STRN: variants seen among roughly 807,000 people sequenced by gnomAD.
The protein encoded by STRN is striatin.
A neutral mutation model predicts 96.3 loss-of-function variants in STRN; 53 were observed. The observed-to-expected ratio is 0.55, with a 90% confidence interval of 0.44 to 0.69. The LOEUF (loss-of-function observed/expected upper bound fraction) is 0.69, where lower values mean the gene tolerates loss of function less well. STRN is among the 30% of genes least tolerant of loss of function. STRN has a pLI of 0.00. For missense variants in STRN, 987 were observed against 963.9 expected, an observed-to-expected ratio of 1.02 and a Z score of -0.32; for synonymous variants, 428 against 355.9, an observed-to-expected ratio of 1.20 and a Z score of -2.28.
intron 1 of STRN, among the ~76,000 whole-genome samples, chr2:36,937,912 T>C (rs1186370940): frequency 6.6e-6 from 1 of 152,016 alleles, no homozygotes; most frequent in Non-Finnish European, 1.5e-5. Flanking sequence ...AGTAAATAGT[T>C]CTATAAAGAA....
chr2:36,868,977 T>A lies in STRN; in HGVS notation c.1499+577A>T, dbSNP rs569382074. Among the ~76,000 whole-genome samples, 5 of 152,008 alleles carry A rather than the reference T, an allele frequency of 3.3e-5. No individual in the cohort carries two copies. The South Asian group carries it at 1.0e-3, about 32-fold the overall frequency. On this transcript the variant is annotated intron_variant, in intron 11 of 17. Transcript: ENST00000263918. ...TTTGTGACTTTTAAAGGGTTTATACTAACTCATGTCTATCCATGCTTAGAC... is the reference window on the plus strand; with the variant it reads ...TTTGTGACTTTTAAAGGGTTTATACAAACTCATGTCTATCCATGCTTAGAC...
intron 2 of STRN, among the ~76,000 whole-genome samples, chr2:36,916,861 T>A (rs759811067): frequency 1.4e-4 from 22 of 152,074 alleles, no homozygotes; most frequent in Non-Finnish European, 3.1e-4. Flanking sequence ...GATTTAACCA[T>A]GAGACTAGAA....
intron 9 of STRN, among the ~76,000 whole-genome samples, chr2:36,879,366 A>G (rs562955647): frequency 6.6e-6 from 1 of 152,224 alleles, no homozygotes; most frequent in Non-Finnish European, 1.5e-5. Context: ...CACCACGCCC[A>G]GCGAGAAAAT....
In STRN at chr2:36,839,161, ATT is replaced by A. The variant is rs1484572007; in HGVS notation, c.*10293_*10294del. Among the ~76,000 whole-genome samples, 2 of 152,160 alleles carry A rather than the reference ATT, an allele frequency of 1.3e-5. No individual in the cohort carries two copies. The highest frequency in any genetic ancestry group is 2.9e-5 in the Non-Finnish European group (2 of 68,018). On this transcript the variant is annotated 3_prime_UTR_variant, in exon 18 of 18. Transcript: ENST00000263918. ...GTTTTGCCATTATGAATCTTTATGCATTGTTTTTTGCATTTAAATTCATTTCT... is the reference window on the plus strand; with the variant it reads ...GTTTTGCCATTATGAATCTTTATGCAGTTTTTTGCATTTAAATTCATTTCT...
At chr2:36,920,265 G>T (rs571549700) in intron 2 of STRN, among the ~76,000 whole-genome samples, 5 of 152,168 alleles carry the variant, frequency 3.3e-5, no homozygotes, top group African/African-American at 4.8e-5. Context: ...ACAAATAAAT[G>T]CTTTTTAAAA....
At chr2:36,868,361 C>T (rs1668680785) in intron 11 of STRN, among the ~76,000 whole-genome samples, 1 of 152,268 alleles carries the variant, frequency 6.6e-6, no homozygotes, top group Non-Finnish European at 1.5e-5. Context: ...GCAAATGGTA[C>T]TTTTATTTCC....
chr2:36,897,417 T>C (rs1294060086), intron 6 of STRN, among the ~76,000 whole-genome samples: 6 of 149,184 alleles, frequency 4.0e-5, no homozygotes, highest in African/African-American at 1.2e-4. Flanking sequence ...AATATTTTTT[T>C]CCAAAAAAAA....
At chr2:36,897,980 T>C (rs1219426822) in intron 6 of STRN, among the ~76,000 whole-genome samples, 1 of 152,170 alleles carries the variant, frequency 6.6e-6, no homozygotes, top group East Asian at 1.9e-4. Flanking sequence ...CACAAGCCAC[T>C]GCACGCAGCA....
rs1310091582 is a variant in STRN, at chr2:36,966,389, C to T, written c.75G>A (p.Gly25=). 2 of 1,464,324 alleles carry T rather than the reference C, an allele frequency of 1.4e-6. No homozygotes were observed. Among genetic ancestry groups the T allele is most frequent in the Non-Finnish European group, 1.8e-6 (2 of 1,110,130 alleles). The allele number at this position is 1,464,324 out of a possible 1,614,324, so 90.7% of individuals were successfully genotyped here. A position where few individuals can be genotyped will look rare whatever the true frequency, so the allele number is the denominator to read the frequency against. ...HPGAGGAKGL[G]PLAEAAAAGD... is the part of the protein sequence containing the mutation. ...CGGCCGCGGCAGCCTCCGCCAGAGG[C>T]CCGAGCCCCTTGGCACCGCCGGCGC... Residue 25 remains glycine, a synonymous_variant, in exon 1 of 18, where the codon GGG becomes GGA. Coordinates refer to ENST00000263918, the MANE Select transcript of STRN (RefSeq NM_003162.4).
intron 10 of STRN, among the ~76,000 whole-genome samples, chr2:36,872,758 A>G (rs919230510): frequency 2.0e-5 from 3 of 152,234 alleles, no homozygotes; most frequent in Non-Finnish European, 4.4e-5. Flanking sequence ...TAGAGGGAAC[A>G]AAAGTATCTA....
Position 36,966,509 on chromosome 2 carries a change from A to AGGCAACAGCGGC in STRN, c.-58_-47dup, listed in dbSNP as rs1424847992. On this transcript the variant is annotated 5_prime_UTR_variant, in exon 1 of 18. Transcript: ENST00000263918. ...GAGCTGCCCCGGCGCCCAGCAGCGG[A>AGGCAACAGCGGC]GGCAACAGCGGCGGCAAGCAGCGCC... 6 of 1,320,180 alleles carry AGGCAACAGCGGC rather than the reference A, an allele frequency of 4.5e-6. No individual in the cohort carries two copies. Among genetic ancestry groups the AGGCAACAGCGGC allele is most frequent in the Non-Finnish European group, 5.9e-6 (6 of 1,016,664 alleles). The allele number at this position is 1,320,180 out of a possible 1,614,324, so 81.8% of individuals were successfully genotyped here.
chr2:36,904,354 A>G (rs1329254466), intron 4 of STRN, among the ~76,000 whole-genome samples: 4 of 152,122 alleles, frequency 2.6e-5, no homozygotes, highest in South Asian at 2.1e-4. Flanking sequence ...CTTATAATCA[A>G]CCTCCAAAAA....
chr2:36,853,829 CTAATT>C (rs2148127866), intron 15 of STRN, among the ~76,000 whole-genome samples: 1 of 152,164 alleles, frequency 6.6e-6, no homozygotes, highest in African/African-American at 2.4e-5. Flanking sequence ...TAATAAGAGA[CTAATT>C]TAAGTTTTCT....
rs1670346453 is a variant in STRN, at chr2:36,924,200, C to G, written c.338+905G>C. 5.3e-5 allele frequency among the ~76,000 whole-genome samples: 8 copies of G among 151,834 alleles called. 1 individual carries two copies. The South Asian group carries it at 1.5e-3, about 28-fold the overall frequency. On this transcript the variant is annotated intron_variant, in intron 2 of 17. Transcript: ENST00000263918. Reference sequence around the variant, plus strand: ...TGAAACCCCATCTCTACCAAAAATACAAAAAATTAGCCAGGCGTGGTGGCG... The same window carrying G: ...TGAAACCCCATCTCTACCAAAAATAGAAAAAATTAGCCAGGCGTGGTGGCG...
Position 36,901,424 on chromosome 2 carries a change from C to T in STRN, c.659+1160G>A, listed in dbSNP as rs182606448. Among the ~76,000 whole-genome samples, 667 of 151,512 alleles carry T rather than the reference C, an allele frequency of 4.4e-3. 2 individuals are homozygous for T. The highest frequency in any genetic ancestry group is 7.0e-3 in the Non-Finnish European group (477 of 67,836). Reference sequence around the variant, plus strand: ...AAAATTAGCTGGGTGCGGTGGCACGCGCCTGTAGTCTCAGCTACTCGGGAG... The same window carrying T: ...AAAATTAGCTGGGTGCGGTGGCACGTGCCTGTAGTCTCAGCTACTCGGGAG... On this transcript the variant is annotated intron_variant, in intron 5 of 17. Coordinates refer to ENST00000263918, the MANE Select transcript of STRN (RefSeq NM_003162.4).
Position 36,931,011 on chromosome 2 carries a change from T to C in STRN, c.235-5803A>G, listed in dbSNP as rs141121313. On this transcript the variant is annotated intron_variant, in intron 1 of 17. Coordinates refer to ENST00000263918, the MANE Select transcript of STRN (RefSeq NM_003162.4). ...TCATGCCACTGCACTCCAGCCTGAA[T>C]GACAGAGCAAAATTGCCTCAAAAAA... Among the ~76,000 whole-genome samples, 413 of 151,308 alleles carry C rather than the reference T, an allele frequency of 2.7e-3. 1 individual carries two copies. Among genetic ancestry groups the C allele is most frequent in the African/African-American group, 9.6e-3 (395 of 41,060 alleles).
intron 9 of STRN, among the ~76,000 whole-genome samples, chr2:36,882,105 T>G (rs1277827564): frequency 6.6e-6 from 1 of 152,146 alleles, no homozygotes; most frequent in Non-Finnish European, 1.5e-5. Flanking sequence ...GTCAAAAATT[T>G]CACTGAAGAA....
In STRN at chr2:36,884,082, A is replaced by G. The variant is rs1558636600; in HGVS notation, c.1043-7T>C. The G allele has an allele frequency of 2.3e-6, 3 of 1,323,750 alleles. No individual in the cohort carries two copies. The highest frequency in any genetic ancestry group is 2.9e-6 in the Non-Finnish European group (3 of 1,026,632). 82.0% of individuals were successfully genotyped at this position (1,323,750 alleles called of 1,614,324 possible). ...AGTTTTGACCTATTGGGCCCTAGCCAAAAAAAGGGGGGGTGGGAGGAGATA... is the reference window on the plus strand; with the variant it reads ...AGTTTTGACCTATTGGGCCCTAGCCGAAAAAAGGGGGGGTGGGAGGAGATA... On this transcript the variant is annotated splice_polypyrimidine_tract_variant and splice_region_variant and intron_variant, in intron 8 of 17. Transcript: ENST00000263918.
chr2:36,861,112 A>C lies in STRN; in HGVS notation c.1669+20T>G. On this transcript the variant is annotated intron_variant, in intron 13 of 17. Coordinates refer to ENST00000263918, the MANE Select transcript of STRN (RefSeq NM_003162.4). ...TAAAAAACCAATTTTATTCCTTCAG[A>C]TCTTTGGGAAATCACCTACCATAAG... 2 of 1,611,502 alleles carry C rather than the reference A, an allele frequency of 1.2e-6. No individual in the cohort carries two copies. Among genetic ancestry groups the C allele is most frequent in the Non-Finnish European group, 1.7e-6 (2 of 1,179,358 alleles).
Sources: allele counts gnomAD v4.1 joint callset (sites outside exome capture counted in the v4.1 genomes callset), GRCh38; gene constraint gnomAD v4.1.1; transcripts MANE v1.5; gene names NCBI Gene and HGNC (gene_info 2026-07-23, HGNC 2026-07-21).